Variants in CAMK4 observed in about 807,000 individuals in gnomAD.
CAMK4 encodes calcium/calmodulin-dependent protein kinase type IV.
In CAMK4, 22 loss-of-function variants were observed where a neutral mutation model predicts 44.9. The observed-to-expected ratio is 0.49, with a 90% CI of 0.35 to 0.70. The LOEUF (loss-of-function observed/expected upper bound fraction) is 0.70, where lower values mean the gene tolerates loss of function less well. Ranked by LOEUF, CAMK4 falls within the 30% of genes least tolerant of loss-of-function variation. The probability of loss-of-function intolerance (pLI) is 0.01; values close to 1 mark genes in which losing one functional copy is unlikely to be tolerated. For synonymous variants in CAMK4, 218 were observed against 215.4 expected (o/e 1.01, Z -0.11); for missense variants, 498 against 586.8 (o/e 0.85, Z 1.56).
rs531421160 is a variant in CAMK4 at position 111,247,072 on chromosome 5, A to C, written c.161+22428A>C. On this transcript the variant is annotated intron_variant, in intron 1 of 10. Coordinates refer to ENST00000282356, the MANE Select transcript of CAMK4 (RefSeq NM_001744.6). ...TTCCTCGGGATGTTTTATCAATCAG[A>C]GTTTAGTAGAGAAAAACAGAACCAA... is the stretch of plus-strand genomic sequence containing the variant. 9.7e-4 allele frequency among the ~76,000 whole-genome samples: 148 copies of C among 152,164 alleles called. 1 individual carries two copies. The highest frequency in any genetic ancestry group is 1.8e-3 in the Non-Finnish European group (120 of 68,004).
chr5:111,468,240 G>A lies in CAMK4; in HGVS notation c.626-5071G>A, dbSNP rs373945814. 2.0e-5 allele frequency among the ~76,000 whole-genome samples: 3 copies of A among 151,856 alleles called. No homozygotes were observed. The East Asian group carries it at 5.8e-4, about 29-fold the overall frequency. On this transcript the variant is annotated intron_variant, in intron 7 of 10. Coordinates refer to ENST00000282356, the MANE Select transcript of CAMK4 (RefSeq NM_001744.6). ...TACAGTGTACAATGCTCAGGTGATG[G>A]GTACACCAAAATCTCAGAAATCCCC...
intron 5 of CAMK4, among the ~76,000 whole-genome samples, chr5:111,422,888 G>T (rs1012365733): frequency 6.6e-6 from 1 of 152,024 alleles, no homozygotes; most frequent in Non-Finnish European, 1.5e-5. Flanking sequence ...TTATACACAG[G>T]CCTGTCTCCT....
chr5:111,402,124 A>G (rs1752250112), intron 5 of CAMK4, among the ~76,000 whole-genome samples: 1 of 152,262 alleles, frequency 6.6e-6, no homozygotes, highest in South Asian at 2.1e-4. Context: ...GTCAGAAAGC[A>G]AACAGGAAGG....
intron 8 of CAMK4, among the ~76,000 whole-genome samples, chr5:111,474,597 G>A (rs1755173364): frequency 6.6e-6 from 1 of 152,072 alleles, no homozygotes; most frequent in South Asian, 2.1e-4. Context: ...GTTGGAGGGG[G>A]GAATACAATT....
At chr5:111,369,417 G>T (rs1750922517) in intron 2 of CAMK4, among the ~76,000 whole-genome samples, 1 of 151,830 alleles carries the variant, frequency 6.6e-6, no homozygotes, top group South Asian at 2.1e-4. Context: ...CTGTATGAGA[G>T]ATTAAAATTG....
In CAMK4 at chr5:111,313,822, A is replaced by T. The variant is rs1580573482; in HGVS notation, c.162-30202A>T. On this transcript the variant is annotated intron_variant, in intron 1 of 10. Coordinates refer to ENST00000282356, the MANE Select transcript of CAMK4 (RefSeq NM_001744.6). ...ATACAGACATAGCTACTTGCTGCTT[A>T]CATATCTTACTGTGGTGGAGTCAGA... 5.3e-5 allele frequency among the ~76,000 whole-genome samples: 8 copies of T among 152,262 alleles called. No homozygotes were observed. In the East Asian group the frequency reaches 1.5e-3, roughly 29 times the overall value.
chr5:111,268,692 G>A (rs1328969867), intron 1 of CAMK4, among the ~76,000 whole-genome samples: 1 of 152,162 alleles, frequency 6.6e-6, no homozygotes, highest in East Asian at 1.9e-4. Flanking sequence ...TATTTATGAT[G>A]TAATATAATA....
intron 1 of CAMK4, among the ~76,000 whole-genome samples, chr5:111,330,670 A>G (rs1749128930): frequency 6.6e-6 from 1 of 151,728 alleles, no homozygotes; most frequent in African/African-American, 2.4e-5. Flanking sequence ...ACCATTTTAT[A>G]TAAGGGACTT....
At position 111,263,506 on chromosome 5, in the gene CAMK4, A is replaced by G. The variant is rs187809270; in HGVS notation, c.161+38862A>G. Among the ~76,000 whole-genome samples, 4 of 152,270 alleles carry G rather than the reference A, an allele frequency of 2.6e-5. No individual in the cohort carries two copies. The East Asian group carries it at 7.7e-4, about 29-fold the overall frequency. ...TCTGTTATTACTCCCACAGCAGTCT[A>G]CTTCTTCCAAACCTTATCATCATTG... On this transcript the variant is annotated intron_variant, in intron 1 of 10. Coordinates refer to ENST00000282356, the MANE Select transcript of CAMK4 (RefSeq NM_001744.6).
chr5:111,384,465 C>T (rs1452961386), intron 4 of CAMK4, among the ~76,000 whole-genome samples: 1 of 152,190 alleles, frequency 6.6e-6, no homozygotes, highest in Non-Finnish European at 1.5e-5. Flanking sequence ...GCTTGAGCCA[C>T]ACTGGTGGCT....
At chr5:111,425,209 A>T (rs1336994874) in intron 5 of CAMK4, among the ~76,000 whole-genome samples, 1 of 151,946 alleles carries the variant, frequency 6.6e-6, no homozygotes, top group Non-Finnish European at 1.5e-5. Flanking sequence ...GTGAGTCAGT[A>T]GAGATTGGGT....
chr5:111,402,537 C>G (rs1392402408), intron 5 of CAMK4, among the ~76,000 whole-genome samples: 1 of 152,184 alleles, frequency 6.6e-6, no homozygotes, highest in Admixed American at 6.5e-5. Flanking sequence ...CTTACATTAT[C>G]TGACACATTA....
At chr5:111,468,163 A>T (rs189724703) in intron 7 of CAMK4, among the ~76,000 whole-genome samples, 95 of 152,236 alleles carry the variant, frequency 6.2e-4, no homozygotes, top group African/African-American at 2.2e-3. Flanking sequence ...GACTTTGGAG[A>T]CTCAGGGGAA....
chr5:111,474,349 A>T (rs1477704885), intron 8 of CAMK4, among the ~76,000 whole-genome samples: 1 of 152,214 alleles, frequency 6.6e-6, no homozygotes, highest in Non-Finnish European at 1.5e-5. Context: ...GAGTGTCAGC[A>T]CAGTCAGCTT....
At chr5:111,450,472 T>TG (rs956041666) in intron 7 of CAMK4, among the ~76,000 whole-genome samples, 36 of 151,150 alleles carry the variant, frequency 2.4e-4, no homozygotes, top group African/African-American at 8.8e-4. Context: ...ACACCCACAC[T>TG]GGGGGCTCAC....
At chr5:111,375,364 C>T (rs1751175988) in intron 3 of CAMK4, among the ~76,000 whole-genome samples, 1 of 152,078 alleles carries the variant, frequency 6.6e-6, no homozygotes. Context: ...TACTTGAATG[C>T]AGAAAATAAA....
intron 4 of CAMK4, among the ~76,000 whole-genome samples, chr5:111,382,437 C>T (rs1335265039): frequency 3.3e-5 from 5 of 152,098 alleles, no homozygotes; most frequent in African/African-American, 4.8e-5. Flanking sequence ...AAAAAGTCTG[C>T]ATTTGTGAAG....
intron 4 of CAMK4, among the ~76,000 whole-genome samples, chr5:111,386,359 T>C (rs1461287116): frequency 6.6e-6 from 1 of 152,210 alleles, no homozygotes; most frequent in Non-Finnish European, 1.5e-5. Flanking sequence ...CAGTACACAT[T>C]CTCATCAGAC....
chr5:111,252,832 G>A lies in CAMK4; in HGVS notation c.161+28188G>A, dbSNP rs115544068. Among the ~76,000 whole-genome samples the A allele has an allele frequency of 3.9e-3, 601 of 152,266 alleles. 4 individuals are homozygous for A. The highest frequency in any genetic ancestry group is 0.014 in the African/African-American group (571 of 41,556). ...TGTCTGTAATTAATGACAGTTTTTG[G>A]TAGGGGTGAAAACAGCATTGTATAG... On this transcript the variant is annotated intron_variant, in intron 1 of 10. Transcript: ENST00000282356.
Sources: allele counts gnomAD v4.1 joint callset (sites outside exome capture counted in the v4.1 genomes callset), GRCh38; gene constraint gnomAD v4.1.1; transcripts MANE v1.5; gene names NCBI Gene and HGNC (gene_info 2026-07-23, HGNC 2026-07-21).